Variants in DCAF1 observed in about 807,000 individuals in gnomAD.
DCAF1 encodes the protein DDB1 and CUL4 associated factor 1.
In DCAF1, 15 loss-of-function variants were observed where a neutral mutation model predicts 128.0. That is an observed-to-expected ratio of 0.12 (90% CI 0.08 to 0.18). DCAF1 has a LOEUF of 0.18. Among genes scored for constraint, DCAF1 ranks in the 10% least tolerant of loss-of-function variants. The probability of loss-of-function intolerance (pLI) is 1.00; values close to 1 mark genes in which losing one functional copy is unlikely to be tolerated. For synonymous variants in DCAF1, 610 were observed against 603.0 expected (o/e 1.01, Z -0.17); for missense variants, 988 against 1,649.5 (o/e 0.60, Z 6.95).
At chr3:51,448,740 C>T (rs1553640818) in intron 6 of DCAF1, among the ~76,000 whole-genome samples, 1 of 151,996 alleles carries the variant, frequency 6.6e-6, no homozygotes, top group African/African-American at 2.4e-5. Flanking sequence ...AAACTCTGTA[C>T]CCCTCACTTT....
chr3:51,456,265 C>T (rs1265501112), intron 6 of DCAF1, among the ~76,000 whole-genome samples: 1 of 152,228 alleles, frequency 6.6e-6, no homozygotes, highest in Non-Finnish European at 1.5e-5. Context: ...TTACATCCCG[C>T]ACCTGGCTCG....
chr3:51,475,940 G>C (rs1327436565), intron 3 of DCAF1, among the ~76,000 whole-genome samples: 1 of 152,004 alleles, frequency 6.6e-6, no homozygotes, highest in South Asian at 2.1e-4. Flanking sequence ...AGACACTCTC[G>C]GTAAGTTATT....
chr3:51,437,053 A>C (rs1700896143), intron 9 of DCAF1, among the ~76,000 whole-genome samples: 8 of 151,830 alleles, frequency 5.3e-5, no homozygotes, highest in Admixed American at 5.2e-4. Flanking sequence ...CCTTGAGGTC[A>C]GGAGTTCGAG....
chr3:51,456,350 GA>G (rs1453364433), intron 6 of DCAF1, among the ~76,000 whole-genome samples: 19 of 152,234 alleles, frequency 1.2e-4, no homozygotes, highest in African/African-American at 4.1e-4. Context: ...GAAGCAGTGA[GA>G]CTGGGGGAGG....
intron 9 of DCAF1, among the ~76,000 whole-genome samples, chr3:51,439,430 TCTG>T (rs1239147595): frequency 7.2e-6 from 1 of 139,050 alleles, no homozygotes; most frequent in Non-Finnish European, 1.5e-5. Context: ...GCCTGGCCTG[TCTG>T]CTATTTCTAT....
chr3:51,402,971 C>A (rs1391450283), intron 24 of DCAF1, among the ~76,000 whole-genome samples, 172 bp downstream of exon 24: 1 of 152,152 alleles, frequency 6.6e-6, no homozygotes, highest in Non-Finnish European at 1.5e-5. Context: ...CACAGTCTGA[C>A]AGGAGAGGAG....
At position 51,419,129 on chromosome 3, in the gene DCAF1, A is replaced by AG. The variant is rs1225899195; in HGVS notation, c.3237-254dup. 4.6e-5 allele frequency among the ~76,000 whole-genome samples: 7 copies of AG among 152,096 alleles called. No individual in the cohort carries two copies. In the East Asian group the frequency reaches 7.7e-4, roughly 17 times the overall value. On this transcript the variant is annotated intron_variant, in intron 15 of 24. Transcript: ENST00000684031. ...TAATCCTAGCACTTTGGGAGGCCGA[A>AG]GGGGGGGTATCAATTGAGGTCAGGA...
rs1699315772 is a variant in DCAF1, at chr3:51,420,711, T to C, written c.2259A>G (p.Gln753=). 3 of 1,614,044 alleles carry C rather than the reference T, an allele frequency of 1.9e-6. No individual in the cohort carries two copies. Among genetic ancestry groups the C allele is most frequent in the Non-Finnish European group, 1.7e-6 (2 of 1,179,904 alleles). ...GGGCTTTGCAGGCCAGGGCCCGGAT[T>C]TGGTCTGCATCTGTGATGGGCATCT... ...SIKMPITDAD[Q]IRALACKALV... The change falls in exon 15 of 25, where the codon CAA becomes CAG. Residue 753 remains glutamine, a synonymous_variant. Transcript: ENST00000684031. This position sits in a 1 kb window ranked among gnomAD's most constrained non-coding sequence, Gnocchi z 6.5.
At chr3:51,408,398 T>C (rs1204211369) in intron 23 of DCAF1, among the ~76,000 whole-genome samples, 1 of 152,230 alleles carries the variant, frequency 6.6e-6, no homozygotes, top group African/African-American at 2.4e-5. Flanking sequence ...CTGAGCCACA[T>C]AAGTCATATC....
chr3:51,396,767 G>C (rs1370809119), downstream of DCAF1: 1 of 167,176 alleles, frequency 6.0e-6, no homozygotes. Flanking sequence ...CCCCCACAGA[G>C]ACCTGTGGGT....
chr3:51,418,489 T>C (rs568890856), intron 16 of DCAF1, among the ~76,000 whole-genome samples, 189 bp downstream of exon 16: 1 of 152,194 alleles, frequency 6.6e-6, no homozygotes, highest in Non-Finnish European at 1.5e-5. Context: ...TCAAAGATGG[T>C]TCCTTTCTTC....
chr3:51,399,963 T>C (rs747390496), intron 24 of DCAF1, among the ~76,000 whole-genome samples: 2 of 152,184 alleles, frequency 1.3e-5, no homozygotes. Flanking sequence ...AGCAATCATG[T>C]TCCCAAACCT....
chr3:51,426,875 T>C (rs1553634170), intron 13 of DCAF1, among the ~76,000 whole-genome samples: 2 of 152,224 alleles, frequency 1.3e-5, no homozygotes, highest in Admixed American at 6.5e-5. Context: ...ACCTACCCAG[T>C]TTCCTGATTA....
chr3:51,397,731 C>G (rs1468876478), downstream of DCAF1: 1 of 167,078 alleles, frequency 6.0e-6, no homozygotes, highest in African/African-American at 2.4e-5. Context: ...TCTATGTGGG[C>G]AGAACATGCT....
intron 9 of DCAF1, among the ~76,000 whole-genome samples, chr3:51,434,006 C>T (rs963544184): frequency 2.0e-5 from 3 of 150,944 alleles, no homozygotes; most frequent in African/African-American, 4.9e-5. Context: ...CGCCTGAACC[C>T]GGGAGACGGA....
intron 24 of DCAF1, among the ~76,000 whole-genome samples, chr3:51,400,829 G>C (rs1553624611): frequency 6.6e-6 from 1 of 151,912 alleles, no homozygotes; most frequent in Non-Finnish European, 1.5e-5. Context: ...GACAAGCAGA[G>C]ACACATAAAG....
chr3:51,447,514 C>T (rs994956874), intron 6 of DCAF1, among the ~76,000 whole-genome samples: 3 of 152,162 alleles, frequency 2.0e-5, no homozygotes, highest in Non-Finnish European at 1.5e-5. Flanking sequence ...CACGTATTTT[C>T]AGCATATTTC....
intron 10 of DCAF1, among the ~76,000 whole-genome samples, chr3:51,431,602 C>T (rs1700387515): frequency 6.6e-6 from 1 of 151,646 alleles, no homozygotes; most frequent in Non-Finnish European, 1.5e-5. Context: ...CTCTCTGCAG[C>T]CCTAGGAACA....
chr3:51,460,591 C>A (rs1424282815), intron 6 of DCAF1, among the ~76,000 whole-genome samples: 2 of 151,980 alleles, frequency 1.3e-5, no homozygotes, highest in African/African-American at 2.4e-5. Context: ...AAAAAAGAGC[C>A]CACATCACCA....
Sources: allele counts gnomAD v4.1 joint callset (sites outside exome capture counted in the v4.1 genomes callset), GRCh38; gene constraint gnomAD v4.1.1; non-coding constraint Gnocchi (gnomAD v3.1); transcripts MANE v1.5; gene names NCBI Gene and HGNC (gene_info 2026-07-23, HGNC 2026-07-21).